PRSS55: variants seen among roughly 807,000 people sequenced by gnomAD.
PRSS55 encodes the protein probable serine protease UNQ9391/PRO34284.
A neutral mutation model predicts 23.6 loss-of-function variants in PRSS55; 41 were observed. The ratio of observed to expected loss-of-function variants is 1.74; its 90% CI spans 1.35 to 2.26. The LOEUF (loss-of-function observed/expected upper bound fraction) is 2.26. Ranked by LOEUF, PRSS55 falls within the 30% of genes most tolerant of loss-of-function variation. The pLI, the probability that PRSS55 is intolerant of heterozygous loss-of-function variation, is 0.00. For missense variants in PRSS55, 669 were observed against 439.1 expected (o/e 1.52, Z -4.68); for synonymous variants, 262 against 175.5 (o/e 1.49, Z -3.90).
downstream of PRSS55, among the ~76,000 whole-genome samples, chr8:10,543,467 TC>T (rs1812724563): frequency 5.2e-5 from 1 of 19,178 alleles, no homozygotes; most frequent in African/African-American, 1.1e-4. Context: ...TTCCTTCCTT[TC>T]TTTCTTTCTC....
rs970742975 is a variant in PRSS55 at position 10,538,428 on chromosome 8, G to A, written c.742-48G>A. 3.5e-6 allele frequency: 5 copies of A among 1,432,590 alleles called. No individual in the cohort carries two copies. The Admixed American group carries it at 9.8e-5, about 28-fold the overall frequency. 88.7% of individuals were successfully genotyped at this position (1,432,590 alleles called of 1,614,324 possible). On this transcript the variant is annotated intron_variant, in intron 4 of 4. Transcript: ENST00000328655. ...AATGAGCTGTGCCCAGCCTCAGATG[G>A]GCAGCTTAGAACCGGACTCCCTGCT... is the stretch of plus-strand genomic sequence containing the variant.
chr8:10,553,653 G>T (rs1812999483), intron 4 of PRSS55, among the ~76,000 whole-genome samples: 2 of 152,158 alleles, frequency 1.3e-5, no homozygotes, highest in African/African-American at 4.8e-5. Flanking sequence ...AGGGGGAAAT[G>T]GTCAAAGGGC....
At chr8:10,545,289 C>G (rs1162373895) in intron 4 of PRSS55, 1 of 151,952 alleles carries the variant, frequency 6.6e-6, no homozygotes, top group Non-Finnish European at 1.5e-5. Context: ...CCTCAACCTC[C>G]CAGGCTCAAG....
intron 4 of PRSS55, among the ~76,000 whole-genome samples, chr8:10,548,387 T>C (rs1812871858): frequency 6.6e-6 from 1 of 152,050 alleles, no homozygotes; most frequent in Non-Finnish European, 1.5e-5. Flanking sequence ...GAGAGCTGGC[T>C]GGAGCCTTCC....
chr8:10,538,632 C>T lies in PRSS55; in HGVS notation c.898C>T (p.Gln300Ter). 6.2e-7 allele frequency: 1 copy of T among 1,614,132 alleles called. No homozygotes were observed. Among genetic ancestry groups the T allele is most frequent in the Non-Finnish European group, 8.5e-7 (1 of 1,180,000 alleles). ...NYNLWIEKVT[Q>*]LEGRPFNAEK... ...CAACCTCTGGATCGAGAAAGTGACC[C>T]AGCTAGAGGGCAGGCCCTTCAATGC... The change falls in exon 5 of 5, where the codon CAG (glutamine) becomes TAG (stop). Residue 300 changes from glutamine (Q) to a stop codon, truncating the protein, a stop_gained. Transcript: ENST00000328655. LOFTEE classifies it low-confidence loss of function (END_TRUNC).
chr8:10,528,273 T>A (rs145960855), intron 1 of PRSS55, among the ~76,000 whole-genome samples: 1 of 151,258 alleles, frequency 6.6e-6, no homozygotes, highest in African/African-American at 2.4e-5. Flanking sequence ...TGGATGCACA[T>A]TGCTAAGTTC....
chr8:10,548,375 C>T (rs1812871513), intron 4 of PRSS55, among the ~76,000 whole-genome samples: 1 of 152,118 alleles, frequency 6.6e-6, no homozygotes, highest in African/African-American at 2.4e-5. Flanking sequence ...CAGAGGTTCC[C>T]TGAGAGCTGG....
chr8:10,531,226 A>G (rs1812245542), intron 2 of PRSS55, 69 bp from the exon 3 acceptor site: 2 of 1,585,782 alleles, frequency 1.3e-6, no homozygotes, highest in Admixed American at 1.7e-5. Context: ...TTCTGGGCAC[A>G]GCCAATTCTG....
At chr8:10,530,421 G>C (rs1285895585) in intron 2 of PRSS55, among the ~76,000 whole-genome samples, 2 of 152,248 alleles carry the variant, frequency 1.3e-5, no homozygotes, top group African/African-American at 2.4e-5. Context: ...GTTGCAGTGA[G>C]CCAAGATCGC....
chr8:10,552,573 A>G (rs1230746040), intron 4 of PRSS55, among the ~76,000 whole-genome samples: 1 of 152,274 alleles, frequency 6.6e-6, no homozygotes, highest in African/African-American at 2.4e-5. Flanking sequence ...CAAACAACTC[A>G]GTAGTAAGAA....
At chr8:10,549,927 A>G (rs1002151614) in intron 4 of PRSS55, among the ~76,000 whole-genome samples, 4 of 152,062 alleles carry the variant, frequency 2.6e-5, no homozygotes, top group Admixed American at 2.6e-4. Context: ...TTTATCTTTT[A>G]TTTTTAATTT....
chr8:10,539,782 G>A (rs988738808), downstream of PRSS55, among the ~76,000 whole-genome samples: 1 of 152,148 alleles, frequency 6.6e-6, no homozygotes, highest in Non-Finnish European at 1.5e-5. Context: ...CAGCTACATG[G>A]AACTGTGAGT....
intron 4 of PRSS55, among the ~76,000 whole-genome samples, chr8:10,533,959 C>A (rs1292336052): frequency 6.6e-6 from 1 of 151,992 alleles, no homozygotes; most frequent in African/African-American, 2.4e-5. Context: ...GGGTTGGAGG[C>A]AGAAAGGGAA....
intron 2 of PRSS55, 105 bp from the exon 3 acceptor site, chr8:10,531,190 G>C: frequency 7.2e-7 from 1 of 1,398,414 alleles, no homozygotes. Context: ...GGGTTTAAAG[G>C]TCCTAGAGCT....
At chr8:10,528,386 A>G (rs1296131822) in intron 1 of PRSS55, among the ~76,000 whole-genome samples, 2 of 152,206 alleles carry the variant, frequency 1.3e-5, no homozygotes, top group African/African-American at 4.8e-5. Context: ...AATAAGCAGC[A>G]AGAAAGAGAC....
In PRSS55 at chr8:10,531,474, G is replaced by C. The variant is rs1812261688; in HGVS notation, c.527G>C (p.Cys176Ser). 1 of 1,614,008 alleles carries C rather than the reference G, an allele frequency of 6.2e-7. No homozygotes were observed. Among genetic ancestry groups the C allele is most frequent in the East Asian group, 2.2e-5 (1 of 44,890 alleles). Residue 176 changes from cysteine (C) to serine (S), a missense_variant, in exon 3 of 5, where the codon TGC (cysteine) becomes TCC (serine). Transcript: ENST00000328655. The stretch of plus-strand genomic sequence containing the variant: ...CTCGATGACCTGAAGGTGCCCATCT[G>C]CCTCCCCACGCAGCCCGGCCCTGCC... Reference protein sequence around the residue: ...IKLDDLKVPICLPTQPGPATW... With the variant: ...IKLDDLKVPISLPTQPGPATW...
downstream of PRSS55, among the ~76,000 whole-genome samples, chr8:10,542,205 G>C (rs757735749): frequency 1.2e-4 from 19 of 152,076 alleles, no homozygotes; most frequent in Non-Finnish European, 2.5e-4. Flanking sequence ...TTCATACCTA[G>C]AGTCACACAG....
chr8:10,543,438 TCC>T (rs1563547265), downstream of PRSS55, among the ~76,000 whole-genome samples: 372 of 22,852 alleles, frequency 0.016, 4 homozygotes, highest in African/African-American at 0.018. Flanking sequence ...CTTCCTTCCT[TCC>T]TTCCATCCTT....
At chr8:10,553,902 T>A in intron 4 of PRSS55, 1 of 1,356,760 alleles carries the variant, frequency 7.4e-7, no homozygotes. Context: ...AATAAATACA[T>A]AAAATTTTTT....
Sources: gnomAD v4.1 joint callset for allele counts (sites outside exome capture counted in the v4.1 genomes callset) on GRCh38, gnomAD v4.1.1 for gene constraint, MANE v1.5 for transcripts, NCBI Gene and HGNC (gene_info 2026-07-23, HGNC 2026-07-21) for gene names.